The following SLC44A5 variants were observed in gnomAD, a reference collection of about 807,000 sequenced individuals.
SLC44A5 encodes the protein solute carrier family 44 member 5.
A neutral mutation model predicts 101.8 loss-of-function variants in SLC44A5; 57 were observed. The ratio of observed to expected loss-of-function variants is 0.56; its 90% CI spans 0.45 to 0.70. The LOEUF is 0.70. Among genes scored for constraint, SLC44A5 ranks in the 30% least tolerant of loss-of-function variants. SLC44A5 has a pLI of 0.00. For missense variants in SLC44A5, 737 were observed against 853.1 expected, an observed-to-expected ratio of 0.86 and a Z score of 1.70; for synonymous variants, 281 against 290.9, an observed-to-expected ratio of 0.97 and a Z score of 0.35.
chr1:75,666,821 A>C, the SLC44A5 span, among the ~76,000 whole-genome samples: 4 of 152,184 alleles, frequency 2.6e-5, no homozygotes, highest in African/African-American at 9.6e-5. Context: ...CATAAACAGA[A>C]CCCATGACAG....
chr1:75,444,916 T>G (rs1029322200), intron 2 of SLC44A5, among the ~76,000 whole-genome samples: 3 of 152,070 alleles, frequency 2.0e-5, no homozygotes, highest in African/African-American at 7.2e-5. Context: ...TTGGGTTAGG[T>G]AGAGGAGAGA....
At chr1:75,650,998 A>G in the SLC44A5 span, among the ~76,000 whole-genome samples, 1 of 152,226 alleles carries the variant, frequency 6.6e-6, no homozygotes, top group African/African-American at 2.4e-5. Context: ...ATGACCACTG[A>G]TAAACCCAAA....
At position 75,206,672 on chromosome 1, in the gene SLC44A5, C is replaced by T. The variant is rs78856933; in HGVS notation, c.2048-2839G>A. 253 of 1,613,080 alleles carry T rather than the reference C, an allele frequency of 1.6e-4. No individual in the cohort carries two copies. In the African/African-American group the frequency reaches 2.8e-3, roughly 18 times the overall value. ...AGAATTCCATGCAGGTTAGGGGTTA[C>T]GAAGTAGGGTTTTTCTGTAGATCCA... is the stretch of plus-strand genomic sequence containing the variant. On this transcript the variant is annotated intron_variant, in intron 23 of 23. Coordinates refer to ENST00000370859, the MANE Select transcript of SLC44A5 (RefSeq NM_001130058.2).
At chr1:75,258,096 T>C (rs191007938) in intron 6 of SLC44A5, among the ~76,000 whole-genome samples, 11 of 152,226 alleles carry the variant, frequency 7.2e-5, no homozygotes, top group Non-Finnish European at 1.5e-4. Context: ...GCCCTGGGTT[T>C]CCAGCACAAA....
At chr1:75,451,189 C>T (rs1198516883) in intron 2 of SLC44A5, among the ~76,000 whole-genome samples, 1 of 152,198 alleles carries the variant, frequency 6.6e-6, no homozygotes, top group East Asian at 1.9e-4. Context: ...CCATCATGGC[C>T]TCCACTGCCC....
intron 2 of SLC44A5, among the ~76,000 whole-genome samples, chr1:75,427,395 G>A (rs17096860): frequency 0.22 from 33,942 of 152,098 alleles, 3,896 homozygotes; most frequent in Non-Finnish European, 0.24. Flanking sequence ...AAATTCCAAA[G>A]CATACCAAAA....
intron 2 of SLC44A5, among the ~76,000 whole-genome samples, chr1:75,457,414 G>T (rs79728486): frequency 0.018 from 2,680 of 152,246 alleles, 84 homozygotes; most frequent in African/African-American, 0.061. Flanking sequence ...CCTTCCAAAA[G>T]GAAGACATGC....
chr1:75,531,350 G>A (rs1670710366), intron 2 of SLC44A5, among the ~76,000 whole-genome samples: 1 of 152,078 alleles, frequency 6.6e-6, no homozygotes, highest in Non-Finnish European at 1.5e-5. Flanking sequence ...TACCTATTAA[G>A]ATCTCAGAGA....
intron 1 of SLC44A5, chr1:75,582,608 G>T: frequency 3.3e-6 from 1 of 302,520 alleles, no homozygotes; most frequent in African/African-American, 2.1e-5. Context: ...GGTGTGACCC[G>T]CCCTGCACTG....
At chr1:75,524,748 TTAA>T (rs1670325230) in intron 2 of SLC44A5, among the ~76,000 whole-genome samples, 1 of 152,254 alleles carries the variant, frequency 6.6e-6, no homozygotes, top group African/African-American at 2.4e-5. Flanking sequence ...TTGTAAAGTG[TTAA>T]TAATGTATTT....
At chr1:75,515,882 T>G (rs907926542) in intron 2 of SLC44A5, among the ~76,000 whole-genome samples, 10 of 145,362 alleles carry the variant, frequency 6.9e-5, no homozygotes, top group African/African-American at 2.5e-4. Flanking sequence ...TGTACAAGGG[T>G]TTTTTTTTTT....
At chr1:75,332,086 C>G (rs1280331766) in intron 4 of SLC44A5, among the ~76,000 whole-genome samples, 1 of 152,094 alleles carries the variant, frequency 6.6e-6, no homozygotes, top group Non-Finnish European at 1.5e-5. Context: ...ATCTCTAGTG[C>G]CTAGAAGACA....
At chr1:75,559,632 A>G (rs921993434) in intron 1 of SLC44A5, among the ~76,000 whole-genome samples, 4 of 152,178 alleles carry the variant, frequency 2.6e-5, no homozygotes. Context: ...ACACATTCAA[A>G]TGTTTATCAC....
intron 6 of SLC44A5, among the ~76,000 whole-genome samples, chr1:75,262,085 C>T (rs1392212644): frequency 6.6e-6 from 1 of 152,184 alleles, no homozygotes; most frequent in Non-Finnish European, 1.5e-5. Flanking sequence ...CGGCACAACA[C>T]AAGGATGCCC....
chr1:75,557,892 T>C (rs960876817), intron 1 of SLC44A5, among the ~76,000 whole-genome samples: 1 of 152,146 alleles, frequency 6.6e-6, no homozygotes, highest in African/African-American at 2.4e-5. Flanking sequence ...GAGTTGAATA[T>C]TGGTTAAGAA....
chr1:75,316,148 GC>G (rs999124514), intron 4 of SLC44A5, among the ~76,000 whole-genome samples: 14 of 152,040 alleles, frequency 9.2e-5, no homozygotes, highest in African/African-American at 3.1e-4. Flanking sequence ...TCTTAGTCTG[GC>G]CCTTGCTAAG....
the SLC44A5 span, among the ~76,000 whole-genome samples, chr1:75,707,942 G>T: frequency 6.6e-6 from 1 of 152,084 alleles, no homozygotes; most frequent in African/African-American, 2.4e-5. Context: ...GGAAGAAATT[G>T]CTATTGATTA....
At chr1:75,300,812 T>A in intron 4 of SLC44A5, 127 bp from the exon 5 acceptor site, 1 of 521,078 alleles carries the variant, frequency 1.9e-6, no homozygotes, top group Non-Finnish European at 3.1e-6. Flanking sequence ...GCATATTTTA[T>A]TCAATAATTT....
chr1:75,635,105 T>C, the SLC44A5 span, among the ~76,000 whole-genome samples: 2 of 151,122 alleles, frequency 1.3e-5, no homozygotes, highest in Non-Finnish European at 2.9e-5. Flanking sequence ...AAAACCACAA[T>C]GAGATACCAT....
Sources: gnomAD v4.1 joint callset for allele counts (sites outside exome capture counted in the v4.1 genomes callset) on GRCh38, gnomAD v4.1.1 for gene constraint, MANE v1.5 for transcripts, NCBI Gene and HGNC (gene_info 2026-07-23, HGNC 2026-07-21) for gene names.